The following RGS6 variants were observed in gnomAD, a reference collection of about 807,000 sequenced individuals.
RGS6 encodes the protein regulator of G-protein signaling 6.
In RGS6, 30 loss-of-function variants were observed where a neutral mutation model predicts 78.5. The ratio of observed to expected loss-of-function variants is 0.38; its 90% CI spans 0.29 to 0.52. The LOEUF (loss-of-function observed/expected upper bound fraction) is 0.52, where lower values mean the gene tolerates loss of function less well. Among genes scored for constraint, RGS6 ranks in the 20% least tolerant of loss-of-function variants. RGS6 has a pLI of 0.85. For missense variants in RGS6, 495 were observed against 609.7 expected, an observed-to-expected ratio of 0.81 and a Z score of 1.98; for synonymous variants, 206 against 206.0, an observed-to-expected ratio of 1.00 and a Z score of 0.00.
intron 3 of RGS6, among the ~76,000 whole-genome samples, chr14:72,452,976 T>G (rs1191465478): frequency 6.6e-6 from 1 of 152,190 alleles, no homozygotes; most frequent in African/African-American, 2.4e-5. Context: ...GGCCACACCC[T>G]GCAAGGAAGC....
At chr14:71,983,851 C>T (rs1434761510) in intron 2 of RGS6, among the ~76,000 whole-genome samples, 6 of 152,244 alleles carry the variant, frequency 3.9e-5, no homozygotes. Flanking sequence ...ACAGACACAA[C>T]TCAATCCACA....
intron 2 of RGS6, among the ~76,000 whole-genome samples, chr14:72,278,922 C>G (rs2061137623): frequency 1.3e-5 from 2 of 151,996 alleles, no homozygotes; most frequent in South Asian, 4.2e-4. Flanking sequence ...TGGGCAGTGC[C>G]CTCTTGTTGT....
chr14:71,904,999 A>AT, the RGS6 span, among the ~76,000 whole-genome samples: 23,046 of 152,086 alleles, frequency 0.15, 2,521 homozygotes, highest in African/African-American at 0.31. Context: ...CCTGGGCCAC[A>AT]TACCACAAGG....
At chr14:71,904,896 CT>C in the RGS6 span, among the ~76,000 whole-genome samples, 3 of 150,106 alleles carry the variant, frequency 2.0e-5, no homozygotes, top group Admixed American at 6.7e-5. Context: ...ACTCCATTAT[CT>C]TTTTTTTTTC....
At chr14:72,541,229 T>G (rs1466390735) in intron 17 of RGS6, 3 of 1,435,048 alleles carry the variant, frequency 2.1e-6, no homozygotes, top group Non-Finnish European at 2.8e-6. Context: ...ACCTGACTAC[T>G]GTGTGACTGG....
At chr14:72,594,878 C>T in the RGS6 span, 4 of 152,178 alleles carry the variant, frequency 2.6e-5, no homozygotes, top group Admixed American at 2.6e-4. Flanking sequence ...GTGAAGGCCA[C>T]TGCCTTGGAC....
chr14:71,998,471 G>T (rs1362465529), intron 2 of RGS6, among the ~76,000 whole-genome samples: 2 of 152,194 alleles, frequency 1.3e-5, no homozygotes, highest in Non-Finnish European at 2.9e-5. Context: ...CCCTGTAGCT[G>T]CCACCCTGGC....
chr14:72,212,965 A>G (rs1165543100), intron 2 of RGS6, among the ~76,000 whole-genome samples: 1 of 152,116 alleles, frequency 6.6e-6, no homozygotes, highest in African/African-American at 2.4e-5. Flanking sequence ...TCCCTTTTTA[A>G]AGTCCCACCT....
At chr14:72,541,070 C>T (rs773655725) in intron 17 of RGS6, 1 of 1,350,818 alleles carries the variant, frequency 7.4e-7, no homozygotes, top group South Asian at 1.2e-5. Flanking sequence ...TCACGGGGCC[C>T]ATCCTGTACC....
intron 3 of RGS6, among the ~76,000 whole-genome samples, chr14:72,440,828 T>G (rs1308760768): frequency 6.6e-6 from 1 of 152,164 alleles, no homozygotes; most frequent in African/African-American, 2.4e-5. Context: ...GGGAACATAT[T>G]ACAGGAGCTA....
At chr14:71,998,814 A>G (rs8013196) in intron 2 of RGS6, among the ~76,000 whole-genome samples, 2,515 of 152,352 alleles carry the variant, frequency 0.017, 66 homozygotes, top group African/African-American at 0.057. Flanking sequence ...GTAAGGGTCA[A>G]GTTAAGAACT....
intron 2 of RGS6, among the ~76,000 whole-genome samples, chr14:72,161,567 G>A (rs967511883): frequency 1.4e-4 from 22 of 152,238 alleles, no homozygotes; most frequent in Non-Finnish European, 7.4e-5. Flanking sequence ...TGGATGAGGC[G>A]GGGTGGAATT....
At chr14:72,297,068 T>G (rs941028564) in intron 2 of RGS6, among the ~76,000 whole-genome samples, 1 of 152,164 alleles carries the variant, frequency 6.6e-6, no homozygotes, top group African/African-American at 2.4e-5. Context: ...GATATCTTTG[T>G]TGAAATTGAT....
At chr14:72,357,411 A>T (rs2080546588) in intron 3 of RGS6, among the ~76,000 whole-genome samples, 1 of 152,202 alleles carries the variant, frequency 6.6e-6, no homozygotes, top group South Asian at 2.1e-4. Context: ...AGAAGACAGG[A>T]AGATGTGGGA....
intron 17 of RGS6, among the ~76,000 whole-genome samples, chr14:72,549,277 G>A (rs887391721): frequency 6.6e-6 from 1 of 151,656 alleles, no homozygotes; most frequent in East Asian, 1.9e-4. Flanking sequence ...TGCCGCAGCA[G>A]CTGAGCTCTG....
intron 17 of RGS6, chr14:72,550,402 CT>C: frequency 2.8e-6 from 4 of 1,442,770 alleles, no homozygotes; most frequent in Non-Finnish European, 3.8e-6. Context: ...ATGCCCCTGG[CT>C]TTTTTTGTTT....
At chr14:72,270,531 C>T (rs900280130) in intron 2 of RGS6, among the ~76,000 whole-genome samples, 3 of 152,152 alleles carry the variant, frequency 2.0e-5, no homozygotes, top group African/African-American at 4.8e-5. Context: ...GTGTGGTTGG[C>T]GGCATTAGTT....
At chr14:72,160,169 C>T (rs1037125230) in intron 2 of RGS6, among the ~76,000 whole-genome samples, 2 of 152,086 alleles carry the variant, frequency 1.3e-5, no homozygotes, top group Non-Finnish European at 2.9e-5. Context: ...TAAGCTAAAC[C>T]TCTTCCCTGG....
chr14:71,994,518 A>T (rs1418581928), intron 2 of RGS6, among the ~76,000 whole-genome samples: 5 of 152,046 alleles, frequency 3.3e-5, no homozygotes, highest in Admixed American at 3.3e-4. Context: ...CTTGTTATGT[A>T]TGAATTGTGT....
Sources: allele counts gnomAD v4.1 joint callset (sites outside exome capture counted in the v4.1 genomes callset), GRCh38; gene constraint gnomAD v4.1.1; transcripts MANE v1.5; gene names NCBI Gene and HGNC (gene_info 2026-07-23, HGNC 2026-07-21).